Variants in CNTNAP2 observed in about 807,000 individuals in gnomAD.
The protein encoded by CNTNAP2 is contactin-associated protein-like 2.
In CNTNAP2, 98 loss-of-function variants were observed where a neutral mutation model predicts 155.2. The observed-to-expected ratio is 0.63, with a 90% confidence interval of 0.54 to 0.75. CNTNAP2 has a LOEUF of 0.75. Ranked by LOEUF, CNTNAP2 falls within the 30% of genes least tolerant of loss-of-function variation. The pLI is 0.00. For synonymous variants in CNTNAP2, 651 were observed against 631.2 expected, an observed-to-expected ratio of 1.03 and a Z score of -0.47; for missense variants, 1,727 against 1,688.1, an observed-to-expected ratio of 1.02 and a Z score of -0.40.
intron 14 of CNTNAP2, among the ~76,000 whole-genome samples, chr7:147,943,909 A>G (rs1356513862): frequency 6.6e-6 from 1 of 152,066 alleles, no homozygotes; most frequent in Non-Finnish European, 1.5e-5. Flanking sequence ...CACATACACC[A>G]ACAGAAGTCT....
chr7:147,530,414 G>A (rs1799411052), intron 11 of CNTNAP2, among the ~76,000 whole-genome samples: 1 of 152,100 alleles, frequency 6.6e-6, no homozygotes, highest in Non-Finnish European at 1.5e-5. Flanking sequence ...TTCTGACCTT[G>A]TGATCTGCCT....
intron 1 of CNTNAP2, among the ~76,000 whole-genome samples, chr7:146,306,365 A>G (rs1355141508): frequency 6.6e-6 from 1 of 152,192 alleles, no homozygotes; most frequent in Non-Finnish European, 1.5e-5. Flanking sequence ...CAATCAATAG[A>G]AAAAGAGGGA....
intron 13 of CNTNAP2, among the ~76,000 whole-genome samples, chr7:147,862,398 C>G (rs1390908890): frequency 1.0e-5 from 1 of 95,312 alleles, no homozygotes; most frequent in Non-Finnish European, 2.3e-5. Flanking sequence ...AATAAATTTC[C>G]TATAACATGC....
chr7:147,984,733 C>A (rs149709869), intron 15 of CNTNAP2, among the ~76,000 whole-genome samples: 1 of 151,984 alleles, frequency 6.6e-6, no homozygotes, highest in Non-Finnish European at 1.5e-5. Flanking sequence ...TTCTCACCCC[C>A]CAAAGGAGTT....
intron 21 of CNTNAP2, among the ~76,000 whole-genome samples, chr7:148,367,396 CTAATATA>C (rs1226520801): frequency 6.6e-6 from 1 of 151,652 alleles, no homozygotes; most frequent in African/African-American, 2.4e-5. Flanking sequence ...GAAAAATGTT[CTAATATA>C]TAATATGTTA....
intron 3 of CNTNAP2, among the ~76,000 whole-genome samples, chr7:146,977,391 TACAA>T (rs374872070): frequency 6.1e-4 from 93 of 152,244 alleles, no homozygotes; most frequent in Middle Eastern, 3.4e-3. Flanking sequence ...TGTAAGAGAA[TACAA>T]ACAGTTATTC....
intron 1 of CNTNAP2, among the ~76,000 whole-genome samples, chr7:146,400,586 A>G (rs1213070491): frequency 6.6e-6 from 1 of 152,244 alleles, no homozygotes; most frequent in Non-Finnish European, 1.5e-5. Context: ...AGAACTGCTG[A>G]GAATAGTGAG....
chr7:147,667,243 T>G (rs1384629320), intron 13 of CNTNAP2, among the ~76,000 whole-genome samples: 1 of 152,218 alleles, frequency 6.6e-6, no homozygotes, highest in Non-Finnish European at 1.5e-5. Flanking sequence ...TGATTAGTGA[T>G]AAGTTGATTG....
intron 13 of CNTNAP2, among the ~76,000 whole-genome samples, chr7:147,850,185 A>C (rs558490608): frequency 1.3e-5 from 2 of 152,206 alleles, no homozygotes; most frequent in Non-Finnish European, 2.9e-5. Context: ...AAGAGAATAA[A>C]ACAGCTAGGA....
At chr7:146,147,968 A>C (rs1486945605) in intron 1 of CNTNAP2, among the ~76,000 whole-genome samples, 2 of 152,106 alleles carry the variant, frequency 1.3e-5, no homozygotes, top group East Asian at 3.9e-4. Context: ...GTTACCTTGA[A>C]ATCATTTTTA....
intron 1 of CNTNAP2, among the ~76,000 whole-genome samples, chr7:146,214,924 C>T (rs952479955): frequency 4.6e-5 from 7 of 152,112 alleles, no homozygotes; most frequent in African/African-American, 1.2e-4. Context: ...TGCACTGTCC[C>T]CTTACCTCCC....
chr7:146,619,115 T>C (rs1376307120), intron 1 of CNTNAP2, among the ~76,000 whole-genome samples: 6 of 151,634 alleles, frequency 4.0e-5, no homozygotes, highest in Admixed American at 3.9e-4. Context: ...AATAAAAAAG[T>C]CACTTTAAAA....
At chr7:147,140,758 C>T (rs1198050806) in intron 8 of CNTNAP2, among the ~76,000 whole-genome samples, 1 of 152,094 alleles carries the variant, frequency 6.6e-6, no homozygotes, top group African/African-American at 2.4e-5. Flanking sequence ...GATCGAGAGA[C>T]CTGCATCTGT....
chr7:147,775,077 C>G (rs1326809786), intron 13 of CNTNAP2, among the ~76,000 whole-genome samples: 1 of 150,476 alleles, frequency 6.6e-6, no homozygotes, highest in East Asian at 2.0e-4. Flanking sequence ...CTTCCAAAGG[C>G]TGTAGCAGGC....
chr7:146,746,938 G>A (rs1801818894), intron 1 of CNTNAP2, among the ~76,000 whole-genome samples: 1 of 151,806 alleles, frequency 6.6e-6, no homozygotes, highest in South Asian at 2.1e-4. Context: ...TTCCATATTT[G>A]GGGATATTTC....
At chr7:146,904,322 T>C (rs1229008332) in intron 3 of CNTNAP2, among the ~76,000 whole-genome samples, 1 of 152,146 alleles carries the variant, frequency 6.6e-6, no homozygotes, top group Non-Finnish European at 1.5e-5. Context: ...AGACCCTCTA[T>C]AGAATTGTGG....
intron 1 of CNTNAP2, among the ~76,000 whole-genome samples, chr7:146,166,130 G>C (rs991506797): frequency 1.3e-5 from 2 of 152,124 alleles, no homozygotes; most frequent in African/African-American, 4.8e-5. Flanking sequence ...TTTCACTCTT[G>C]TTGCCCAGGC....
At chr7:146,229,989 T>G (rs1395923977) in intron 1 of CNTNAP2, among the ~76,000 whole-genome samples, 1 of 152,184 alleles carries the variant, frequency 6.6e-6, no homozygotes, top group Non-Finnish European at 1.5e-5. Context: ...AAACAAGCAT[T>G]GAGTAAACGG....
intron 13 of CNTNAP2, among the ~76,000 whole-genome samples, chr7:147,771,578 G>A (rs1584946960): frequency 6.6e-6 from 1 of 152,150 alleles, no homozygotes. Flanking sequence ...CCACATAGAG[G>A]CCACAGGGGC....
Sources: gnomAD v4.1 joint callset for allele counts (sites outside exome capture counted in the v4.1 genomes callset) on GRCh38, gnomAD v4.1.1 for gene constraint, MANE v1.5 for transcripts, NCBI Gene and HGNC (gene_info 2026-07-23, HGNC 2026-07-21) for gene names.